XPNPEP2: variants seen among roughly 807,000 people sequenced by gnomAD.
The protein encoded by XPNPEP2 is X-prolyl aminopeptidase 2.
XPNPEP2 carries 64 observed loss-of-function variants against 59.8 expected under a neutral mutation model. The observed-to-expected ratio is 1.07, with a 90% CI of 0.87 to 1.32. The LOEUF is 1.32. Ranked by LOEUF, XPNPEP2 falls within the 40% of genes most tolerant of loss-of-function variation. XPNPEP2 has a pLI of 0.00. For synonymous variants in XPNPEP2, 235 were observed against 210.0 expected, an observed-to-expected ratio of 1.12 and a Z score of -1.03; for missense variants, 575 against 546.8, an observed-to-expected ratio of 1.05 and a Z score of -0.51.
chrX:129,747,307 C>T (rs1262676684), intron 6 of XPNPEP2, among the ~76,000 whole-genome samples: 1 of 112,666 alleles, frequency 8.9e-6, no homozygotes, highest in Non-Finnish European at 1.9e-5. Context: ...TAATTAGTGC[C>T]CAAGAGAAGG....
In XPNPEP2 at chrX:129,745,196, T is replaced by C; in HGVS notation, c.235-7T>C. On this transcript the variant is annotated splice_polypyrimidine_tract_variant and splice_region_variant and intron_variant, in intron 3 of 20. Transcript: ENST00000371106. ...AAAGGCTAATGATGGTGTTGTTGAT[T>C]TCCTAGAACGAGTACATCGGCCAAC... 1.7e-6 allele frequency: 2 copies of C among 1,211,214 alleles called. No homozygotes were observed. Among genetic ancestry groups the C allele is most frequent in the Non-Finnish European group, 2.2e-6 (2 of 895,359 alleles).
chrX:129,756,346 G>A, intron 13 of XPNPEP2, 138 bp from the exon 14 acceptor site: 1 of 564,936 alleles, frequency 1.8e-6, no homozygotes, highest in East Asian at 3.5e-5. Flanking sequence ...TTCTCTTCCA[G>A]GGCCCTTTGG....
intron 7 of XPNPEP2, 36 bp downstream of exon 7, chrX:129,747,789 A>T: frequency 1.7e-6 from 2 of 1,211,283 alleles, no homozygotes; most frequent in Non-Finnish European, 2.2e-6. Context: ...CCCAACTTGT[A>T]GCAACGCAGG....
At chrX:129,761,983 C>A (rs748805065) in intron 17 of XPNPEP2, 23 bp from the exon 18 acceptor site, 1 of 1,209,073 alleles carries the variant, frequency 8.3e-7, no homozygotes, top group South Asian at 1.8e-5. Context: ...GAACTGATAC[C>A]ATGTTTATGT....
intron 2 of XPNPEP2, among the ~76,000 whole-genome samples, chrX:129,743,214 G>C (rs1020375152): frequency 3.6e-5 from 4 of 112,663 alleles, no homozygotes; most frequent in African/African-American, 1.3e-4. Context: ...ATATATCGTG[G>C]AGTAGAAAGC....
At chrX:129,754,840 G>T (rs2072904) in intron 12 of XPNPEP2, among the ~76,000 whole-genome samples, 5,578 of 110,948 alleles carry the variant, frequency 0.05, 200 homozygotes, top group East Asian at 0.16. Flanking sequence ...GTCCCCTAGT[G>T]TCTGCTTCAG....
At chrX:129,750,700 G>T in intron 8 of XPNPEP2, 131 bp downstream of exon 8, 1 of 526,489 alleles carries the variant, frequency 1.9e-6, no homozygotes, top group African/African-American at 2.4e-5. Flanking sequence ...GAACTCCATG[G>T]CCACAGCCCG....
intron 1 of XPNPEP2, among the ~76,000 whole-genome samples, chrX:129,740,014 C>G (rs931572985): frequency 4.4e-5 from 5 of 112,665 alleles, no homozygotes; most frequent in Non-Finnish European, 9.4e-5. Flanking sequence ...GAGCACCTAC[C>G]CAGTGCCAGG....
rs747297114 is a variant in XPNPEP2 at position 129,752,919 on chromosome X, G to T, written c.1018-240G>T. On this transcript the variant is annotated intron_variant, in intron 10 of 20. Coordinates refer to ENST00000371106, the MANE Select transcript of XPNPEP2 (RefSeq NM_003399.6). The stretch of plus-strand genomic sequence containing the variant: ...GACAGGGAGTTCATTGCCAAGCAAG[G>T]CAGTGTCAATCAAGGAAGCCTTCCT... Among the ~76,000 whole-genome samples the T allele has an allele frequency of 1.9e-4, 21 of 112,577 alleles. No individual in the cohort carries two copies. In the South Asian group the frequency reaches 7.0e-3, roughly 37 times the overall value.
intron 14 of XPNPEP2, among the ~76,000 whole-genome samples, chrX:129,757,895 GAA>G (rs1491177024): frequency 0.039 from 528 of 13,612 alleles, 6 homozygotes; most frequent in African/African-American, 0.075. Flanking sequence ...GAGAGAGAGA[GAA>G]AGAAAGAAAG....
intron 19 of XPNPEP2, 28 bp from the exon 20 acceptor site, chrX:129,767,575 T>C (rs1386074943): frequency 8.3e-7 from 1 of 1,200,383 alleles, no homozygotes; most frequent in East Asian, 3.0e-5. Context: ...ACTGTCCTGC[T>C]TACCCGGCTT....
At chrX:129,760,381 T>C in intron 15 of XPNPEP2, 131 bp from the exon 16 acceptor site, 1 of 659,798 alleles carries the variant, frequency 1.5e-6, no homozygotes, top group Non-Finnish European at 2.3e-6. Context: ...CACATAACGA[T>C]GAGACTCCCC....
rs1163423707 is a variant in XPNPEP2, at chrX:129,762,776, C to T, written c.1740+6C>T. On this transcript the variant is annotated splice_donor_region_variant and intron_variant, in intron 19 of 20. Transcript: ENST00000371106. ...TGGTAGAAGCAAAGACCAAGGTAAA[C>T]TGCCACCAGGATGGGCTGGAGGTGT... is the stretch of plus-strand genomic sequence containing the variant. 1.7e-6 allele frequency: 2 copies of T among 1,207,013 alleles called. No homozygotes were observed. Among genetic ancestry groups the T allele is most frequent in the African/African-American group, 3.5e-5 (2 of 57,229 alleles).
At chrX:129,762,846 G>A in intron 19 of XPNPEP2, 76 bp downstream of exon 19, 3 of 932,538 alleles carry the variant, frequency 3.2e-6, no homozygotes, top group Non-Finnish European at 4.7e-6. Flanking sequence ...GGAAAGTGGG[G>A]AGGAAGATCA....
intron 12 of XPNPEP2, 107 bp downstream of exon 12, chrX:129,754,688 A>T: frequency 1.3e-6 from 1 of 752,203 alleles, no homozygotes; most frequent in Non-Finnish European, 1.9e-6. Context: ...GATCCTCCTC[A>T]TATGCGTGCT....
At chrX:129,764,329 C>T (rs1926707420) in intron 19 of XPNPEP2, among the ~76,000 whole-genome samples, 1 of 110,000 alleles carries the variant, frequency 9.1e-6, no homozygotes, top group Non-Finnish European at 1.9e-5. Context: ...AAATGGTCCA[C>T]ATGCATGTGG....
chrX:129,754,632 T>G (rs758274583), intron 12 of XPNPEP2, 51 bp downstream of exon 12: 8 of 1,061,210 alleles, frequency 7.5e-6, no homozygotes, highest in Non-Finnish European at 1.0e-5. Context: ...AGTGTGGCAG[T>G]GGGGGCAGGG....
chrX:129,765,635 C>CTTTTTTTTTTTTT (rs56014067), intron 19 of XPNPEP2, among the ~76,000 whole-genome samples: 38 of 67,334 alleles, frequency 5.6e-4, no homozygotes, highest in South Asian at 8.3e-4. Context: ...TTCTTTCTTT[C>CTTTTTTTTTTTTT]TTTTTTTTTT....
At position 129,768,483 on chromosome X, in the gene XPNPEP2, T is replaced by C; in HGVS notation, c.2023T>C (p.Ter675GlnextTer25). Residue 675 changes from the stop codon to glutamine (Q), a stop_lost, in exon 21 of 21, where the codon TAG (stop) becomes CAG (glutamine). Transcript: ENST00000371106. ...CCTTGCCATCCTTGGCTGGAGTGTC[T>C]AGAGGCTCCAGACTCTCCTGTTAAC... is the stretch of plus-strand genomic sequence containing the variant. ...STLAILGWSV[*>Q] 8.6e-7 allele frequency: 1 copy of C among 1,166,318 alleles called. No homozygotes were observed. Among genetic ancestry groups the C allele is most frequent in the Non-Finnish European group, 1.1e-6 (1 of 874,567 alleles).
Sources: gnomAD v4.1 joint callset for allele counts (sites outside exome capture counted in the v4.1 genomes callset) on GRCh38, gnomAD v4.1.1 for gene constraint, MANE v1.5 for transcripts, NCBI Gene and HGNC (gene_info 2026-07-23, HGNC 2026-07-21) for gene names.